RHOD: variants seen among roughly 807,000 people sequenced by gnomAD.
The protein encoded by RHOD is ras homolog family member D.
Under a neutral mutation model 16.7 loss-of-function variants are expected in RHOD, and 11 were observed. The ratio of observed to expected loss-of-function variants is 0.66; its 90% CI spans 0.41 to 1.09. The LOEUF is 1.09. Among genes scored for constraint, RHOD ranks in the 50% least tolerant of loss-of-function variants. The pLI is 0.00. For synonymous variants in RHOD, 124 were observed against 126.3 expected (o/e 0.98, Z 0.12); for missense variants, 271 against 291.7 (o/e 0.93, Z 0.52).
rs963830002 is a variant in RHOD, at chr11:67,057,182, C to T, written c.132+148C>T. 4 of 1,012,512 alleles carry T rather than the reference C, an allele frequency of 4.0e-6. No individual in the cohort carries two copies. The African/African-American group carries it at 6.8e-5, about 17-fold the overall frequency. 62.7% of individuals were successfully genotyped at this position (1,012,512 alleles called of 1,614,324 possible). On this transcript the variant is annotated intron_variant, in intron 1 of 4. Transcript: ENST00000308831. ...GGGGTCCAGGGCAGAGTTCTTCCGC[C>T]CCAGCCATTGGGAATGAAGGCCTCA...
chr11:67,069,982 C>T (rs1478669685), intron 3 of RHOD, among the ~76,000 whole-genome samples: 1 of 151,844 alleles, frequency 6.6e-6, no homozygotes, highest in African/African-American at 2.4e-5. Flanking sequence ...TGAGCCACCA[C>T]ACCTGGCCCA....
intron 3 of RHOD, among the ~76,000 whole-genome samples, chr11:67,067,939 A>G (rs1230337708): frequency 6.6e-6 from 1 of 152,134 alleles, no homozygotes; most frequent in African/African-American, 2.4e-5. Context: ...AGCTGGGACT[A>G]CAGGCGCCCG....
chr11:67,063,886 T>C (rs1439573307), intron 1 of RHOD, among the ~76,000 whole-genome samples: 1 of 142,514 alleles, frequency 7.0e-6, no homozygotes, highest in Non-Finnish European at 1.5e-5. Flanking sequence ...GGTGGGCAGA[T>C]CACGAGGTCA....
intron 1 of RHOD, among the ~76,000 whole-genome samples, chr11:67,057,673 C>T (rs1047120739): frequency 1.3e-5 from 2 of 152,232 alleles, no homozygotes; most frequent in Admixed American, 6.6e-5. Context: ...CTGCTGGGCC[C>T]GCGTCTCTGC....
At chr11:67,065,467 G>T (rs1168110730) in intron 1 of RHOD, among the ~76,000 whole-genome samples, 1 of 151,996 alleles carries the variant, frequency 6.6e-6, no homozygotes, top group African/African-American at 2.4e-5. Context: ...TGCAACCTCA[G>T]TCCCAAGCAA....
chr11:67,069,019 G>A (rs1021651530), intron 3 of RHOD, among the ~76,000 whole-genome samples: 3 of 151,868 alleles, frequency 2.0e-5, no homozygotes, highest in East Asian at 1.9e-4. Flanking sequence ...CCAGGCTGGA[G>A]TGCAGTGGTA....
chr11:67,064,515 A>C (rs920047200), intron 1 of RHOD, among the ~76,000 whole-genome samples: 1 of 152,016 alleles, frequency 6.6e-6, no homozygotes, highest in Admixed American at 6.6e-5. Flanking sequence ...GGTAGCATTT[A>C]ATAGTGGTCT....
intron 1 of RHOD, among the ~76,000 whole-genome samples, chr11:67,060,412 CCCTG>C (rs1854871814): frequency 6.6e-6 from 1 of 152,314 alleles, no homozygotes; most frequent in South Asian, 2.1e-4. Context: ...CAGAGGGTGA[CCCTG>C]CCTGGGGGTC....
Position 67,056,970 on chromosome 11 carries a change from TG to T in RHOD, c.71del (p.Gly24AlafsTer11). Reference sequence around the variant, plus strand: ...GTGCGGTCCGTCAAGGTGGTCCTGGTGGGCGACGGCGGCTGCGGGAAGACGT... The same window carrying T: ...GTGCGGTCCGTCAAGGTGGTCCTGGTGGCGACGGCGGCTGCGGGAAGACGT... ...PGVRSVKVVL[V>X]GDGGCGKTSL... On this transcript the variant is annotated frameshift_variant, in exon 1 of 5. Coordinates refer to ENST00000308831, the MANE Select transcript of RHOD (RefSeq NM_014578.4). LOFTEE classifies it high-confidence loss of function. 6.6e-7 allele frequency: 1 copy of T among 1,505,782 alleles called. No individual in the cohort carries two copies. Among genetic ancestry groups the T allele is most frequent in the East Asian group, 2.8e-5 (1 of 35,502 alleles). 93.3% of individuals were successfully genotyped at this position (1,505,782 alleles called of 1,614,324 possible). A position where few individuals can be genotyped will look rare whatever the true frequency, so the allele number is the denominator to read the frequency against.
At chr11:67,067,206 G>T (rs1042907579) in intron 3 of RHOD, among the ~76,000 whole-genome samples, 4 of 152,206 alleles carry the variant, frequency 2.6e-5, no homozygotes, top group Admixed American at 6.5e-5. Context: ...CAAGGTGCAT[G>T]AACAGTCAAG....
chr11:67,070,027 T>C (rs1855006899), intron 3 of RHOD, among the ~76,000 whole-genome samples: 1 of 152,078 alleles, frequency 6.6e-6, no homozygotes, highest in African/African-American at 2.4e-5. Context: ...CTTCCTTATA[T>C]GTTTTGCTCA....
chr11:67,064,426 A>C (rs751378193), intron 1 of RHOD, among the ~76,000 whole-genome samples: 9 of 151,236 alleles, frequency 6.0e-5, no homozygotes, highest in Non-Finnish European at 1.3e-4. Context: ...AAAAGGAAAA[A>C]GAGAAGGAAA....
chr11:67,059,944 T>C (rs1854866452), intron 1 of RHOD, among the ~76,000 whole-genome samples: 1 of 152,248 alleles, frequency 6.6e-6, no homozygotes, highest in African/African-American at 2.4e-5. Context: ...GTGACCCTCA[T>C]CTGGCTGTGA....
At chr11:67,066,888 G>A in intron 3 of RHOD, 41 bp downstream of exon 3, 4 of 1,352,802 alleles carry the variant, frequency 3.0e-6, no homozygotes, top group Non-Finnish European at 4.2e-6. Context: ...CCCATAGCCA[G>A]GCCACTCCAC....
At chr11:67,058,752 G>A (rs577030797) in intron 1 of RHOD, among the ~76,000 whole-genome samples, 4 of 152,326 alleles carry the variant, frequency 2.6e-5, no homozygotes, top group African/African-American at 7.2e-5. Flanking sequence ...CTGTCTGCCT[G>A]TCTCCCACCC....
At chr11:67,061,749 A>AT (rs1854890328) in intron 1 of RHOD, among the ~76,000 whole-genome samples, 1 of 136,280 alleles carries the variant, frequency 7.3e-6, no homozygotes, top group African/African-American at 2.9e-5. Context: ...TAAAAAAAAA[A>AT]AAAAAAATAT....
rs750115087 is a variant in RHOD, at chr11:67,067,860, C to T, written c.330+1013C>T. On this transcript the variant is annotated intron_variant, in intron 3 of 4. Transcript: ENST00000308831. ...TGTCACCCAGGCTGGAGTGCAGTGGCGCCATCTCGGCTCACTACAAGCTCT... is the reference window on the plus strand; with the variant it reads ...TGTCACCCAGGCTGGAGTGCAGTGGTGCCATCTCGGCTCACTACAAGCTCT... Among the ~76,000 whole-genome samples the T allele has an allele frequency of 6.6e-5, 10 of 152,154 alleles. No homozygotes were observed. In the East Asian group the frequency reaches 7.7e-4, roughly 12 times the overall value.
chr11:67,071,620 A>G lies in RHOD; in HGVS notation c.*18A>G. 6.3e-7 allele frequency: 1 copy of G among 1,574,952 alleles called. No individual in the cohort carries two copies. Among genetic ancestry groups the G allele is most frequent in the Non-Finnish European group, 8.6e-7 (1 of 1,159,296 alleles). ...TGACCTGAGCGGCTCGGGGCGTCCC[A>G]GCGACGCGGGAAGGGGCAGGGCGCT... On this transcript the variant is annotated 3_prime_UTR_variant, in exon 5 of 5. Coordinates refer to ENST00000308831, the MANE Select transcript of RHOD (RefSeq NM_014578.4).
At position 67,071,807 on chromosome 11, in the gene RHOD, T is replaced by C; in HGVS notation, c.*205T>C. 1 of 512,794 alleles carries C rather than the reference T, an allele frequency of 2.0e-6. No individual in the cohort carries two copies. Among genetic ancestry groups the C allele is most frequent in the Admixed American group, 3.7e-5 (1 of 26,728 alleles). 31.8% of individuals were successfully genotyped at this position (512,794 alleles called of 1,614,324 possible). A position where few individuals can be genotyped will look rare whatever the true frequency, so the allele number is the denominator to read the frequency against. On this transcript the variant is annotated 3_prime_UTR_variant, in exon 5 of 5. Coordinates refer to ENST00000308831, the MANE Select transcript of RHOD (RefSeq NM_014578.4). ...CACCTGCTCTGTGTAGGGCTCGTCC[T>C]GCGGTGCCCGAGAATCACTCGCTAA... is the stretch of plus-strand genomic sequence containing the variant.
Sources: allele counts gnomAD v4.1 joint callset (sites outside exome capture counted in the v4.1 genomes callset), GRCh38; gene constraint gnomAD v4.1.1; transcripts MANE v1.5; gene names NCBI Gene and HGNC (gene_info 2026-07-23, HGNC 2026-07-21).